BCAS3: variants seen among roughly 807,000 people sequenced by gnomAD.
BCAS3 encodes the protein BCAS4/BCAS3 fusion.
BCAS3 carries 53 observed loss-of-function variants against 116.1 expected under a neutral mutation model. The ratio of observed to expected loss-of-function variants is 0.46; its 90% CI spans 0.37 to 0.57. The LOEUF (loss-of-function observed/expected upper bound fraction) is 0.57, where lower values mean the gene tolerates loss of function less well. BCAS3 is among the 20% of genes least tolerant of loss of function. The probability of loss-of-function intolerance (pLI) is 0.00; values close to 1 mark genes in which losing one functional copy is unlikely to be tolerated. For synonymous variants in BCAS3, 391 were observed against 408.2 expected, an observed-to-expected ratio of 0.96 and a Z score of 0.51; for missense variants, 917 against 1,165.4, an observed-to-expected ratio of 0.79 and a Z score of 3.10.
chr17:61,252,004 G>T (rs1280048452), intron 22 of BCAS3, among the ~76,000 whole-genome samples: 1 of 152,174 alleles, frequency 6.6e-6, no homozygotes, highest in Non-Finnish European at 1.5e-5. Flanking sequence ...AATAAAAATA[G>T]CTGAGATCAC....
intron 5 of BCAS3, among the ~76,000 whole-genome samples, chr17:60,719,232 C>A (rs1050538466): frequency 7.9e-5 from 12 of 152,076 alleles, no homozygotes; most frequent in Admixed American, 2.6e-4. Flanking sequence ...TGTTGCTGGT[C>A]CATAAACTGG....
chr17:60,885,893 C>A (rs2056594534), intron 9 of BCAS3, among the ~76,000 whole-genome samples: 1 of 147,520 alleles, frequency 6.8e-6, no homozygotes, highest in African/African-American at 2.6e-5. Context: ...TCCTTCATTT[C>A]AATTTTGGTG....
chr17:60,699,172 C>T (rs139770835), intron 4 of BCAS3, among the ~76,000 whole-genome samples: 254 of 152,138 alleles, frequency 1.7e-3, no homozygotes, highest in African/African-American at 5.9e-3. Context: ...TACACAAAAG[C>T]ACATAGAAAC....
chr17:61,359,789 C>T (rs1287917997), intron 22 of BCAS3, among the ~76,000 whole-genome samples: 1 of 152,104 alleles, frequency 6.6e-6, no homozygotes, highest in Non-Finnish European at 1.5e-5. Context: ...CTGCGCCTGG[C>T]CAGGTTCTTT....
intron 5 of BCAS3, among the ~76,000 whole-genome samples, chr17:60,745,768 C>T (rs1183361185): frequency 1.3e-5 from 2 of 152,090 alleles, no homozygotes; most frequent in East Asian, 3.8e-4. Flanking sequence ...TTCACATCTG[C>T]ATCCCAAGTG....
At chr17:61,202,736 C>G (rs1478232547) in intron 22 of BCAS3, among the ~76,000 whole-genome samples, 2 of 152,098 alleles carry the variant, frequency 1.3e-5, no homozygotes, top group African/African-American at 4.8e-5. Context: ...ATGAGATGAG[C>G]TAAGAGTATA....
intron 22 of BCAS3, among the ~76,000 whole-genome samples, chr17:61,092,139 T>G (rs1206033162): frequency 6.6e-6 from 1 of 152,220 alleles, no homozygotes; most frequent in Non-Finnish European, 1.5e-5. Context: ...CTAACCTCTT[T>G]TGCTCAACTT....
intron 4 of BCAS3, among the ~76,000 whole-genome samples, chr17:60,695,113 TACC>T (rs894231848): frequency 6.6e-6 from 1 of 150,430 alleles, no homozygotes; most frequent in Non-Finnish European, 1.5e-5. Context: ...TGTATGTATA[TACC>T]ACATTTTTTT....
rs2144350974 is a variant in BCAS3, at chr17:61,214,434, C to A, written c.2425+129870C>A. On this transcript the variant is annotated intron_variant, in intron 22 of 23. Transcript: ENST00000407086. The surrounding 1 kb of genome is among the most constrained non-coding windows in gnomAD (Gnocchi z 4.4). ...GCGCAGTGGCTCATGCCTGTAATCCCAGCACTTTGCAAGGCCGAGGCAGGT... is the reference window on the plus strand; with the variant it reads ...GCGCAGTGGCTCATGCCTGTAATCCAAGCACTTTGCAAGGCCGAGGCAGGT... Among the ~76,000 whole-genome samples, 1 of 151,816 alleles carries A rather than the reference C, an allele frequency of 6.6e-6. No homozygotes were observed. Among genetic ancestry groups the A allele is most frequent in the Non-Finnish European group, 1.5e-5 (1 of 67,954 alleles).
In BCAS3 at chr17:61,162,660, G is replaced by C. The variant is rs1351751508; in HGVS notation, c.2425+78096G>C. 6.6e-6 allele frequency among the ~76,000 whole-genome samples: 1 copy of C among 151,986 alleles called. No individual in the cohort carries two copies. Among genetic ancestry groups the C allele is most frequent in the Non-Finnish European group, 1.5e-5 (1 of 67,972 alleles). Reference sequence around the variant, plus strand: ...TTGCAGTTTTCAGCTTTTAGTTGTTGAAAACAAAAATAATAAGTAAACCAG... The same window carrying C: ...TTGCAGTTTTCAGCTTTTAGTTGTTCAAAACAAAAATAATAAGTAAACCAG... On this transcript the variant is annotated intron_variant, in intron 22 of 23. Coordinates refer to ENST00000407086, the MANE Select transcript of BCAS3 (RefSeq NM_017679.5). The surrounding 1 kb of genome is among the most constrained non-coding windows in gnomAD (Gnocchi z 5.6).
chr17:61,258,489 T>C lies in BCAS3; in HGVS notation c.2426-109838T>C, dbSNP rs1482679076. Among the ~76,000 whole-genome samples, 1 of 152,248 alleles carries C rather than the reference T, an allele frequency of 6.6e-6. No individual in the cohort carries two copies. The highest frequency in any genetic ancestry group is 2.4e-5 in the African/African-American group (1 of 41,464). On this transcript the variant is annotated intron_variant, in intron 22 of 23. Transcript: ENST00000407086. This position sits in a 1 kb window ranked among gnomAD's most constrained non-coding sequence, Gnocchi z 4.7. ...TGACCTTAGAAAAGTTGCTTCACCC[T>C]CTGAGCCTCTGTAAAATGTGAATAA...
At position 61,344,795 on chromosome 17, in the gene BCAS3, A is replaced by G. The variant is rs138764539; in HGVS notation, c.2426-23532A>G. Reference sequence around the variant, plus strand: ...AGGAAGGGAGTGGGAGAGATGAGCCATGGGAAGCCAGCAGGGCCCAGGTCA... The same window carrying G: ...AGGAAGGGAGTGGGAGAGATGAGCCGTGGGAAGCCAGCAGGGCCCAGGTCA... On this transcript the variant is annotated intron_variant, in intron 22 of 23. Transcript: ENST00000407086. The surrounding 1 kb of genome is among the most constrained non-coding windows in gnomAD (Gnocchi z 4.1). Among the ~76,000 whole-genome samples the G allele has an allele frequency of 0.016, 2,410 of 152,246 alleles. 35 individuals carry two copies. The highest frequency in any genetic ancestry group is 0.068 in the Middle Eastern group (20 of 294).
At chr17:60,856,457 G>A (rs1232811356) in intron 7 of BCAS3, among the ~76,000 whole-genome samples, 1 of 152,148 alleles carries the variant, frequency 6.6e-6, no homozygotes, top group African/African-American at 2.4e-5. Context: ...CGGGGGCCAA[G>A]GCAGGTGGAT....
At chr17:61,191,047 G>T (rs990606255) in intron 22 of BCAS3, among the ~76,000 whole-genome samples, 54 of 152,280 alleles carry the variant, frequency 3.5e-4, no homozygotes, top group African/African-American at 1.1e-3. Context: ...TCCAGCCTGG[G>T]TGACAGAGCA....
At chr17:60,820,334 C>T (rs984666602) in intron 7 of BCAS3, among the ~76,000 whole-genome samples, 6 of 152,162 alleles carry the variant, frequency 3.9e-5, no homozygotes, top group East Asian at 1.9e-4. Flanking sequence ...CGTGAGCCAC[C>T]GTGCCCAGCC....
At chr17:60,923,769 G>A (rs995637039) in intron 12 of BCAS3, among the ~76,000 whole-genome samples, 14 of 152,116 alleles carry the variant, frequency 9.2e-5, no homozygotes, top group African/African-American at 3.4e-4. Flanking sequence ...ATTAAGAGGA[G>A]TGAATAAAAG....
intron 9 of BCAS3, among the ~76,000 whole-genome samples, chr17:60,885,314 C>G (rs1415049517): frequency 5.0e-3 from 53 of 10,572 alleles, no homozygotes; most frequent in African/African-American, 0.012. Flanking sequence ...TTCCTCCATC[C>G]TTTTATTTTG....
intron 18 of BCAS3, among the ~76,000 whole-genome samples, chr17:61,038,896 G>A (rs1481505149): frequency 6.6e-6 from 1 of 151,792 alleles, no homozygotes; most frequent in Admixed American, 6.6e-5. Flanking sequence ...CTTGACCTCA[G>A]GTGATCCACT....
rs377180249 is a variant in BCAS3, at chr17:61,277,955, T to C, written c.2426-90372T>C. ...GCAATTTCTCAGATGGTTAACAGAGTTACCCTATTATCCAACAATTCCACA... is the reference window on the plus strand; with the variant it reads ...GCAATTTCTCAGATGGTTAACAGAGCTACCCTATTATCCAACAATTCCACA... On this transcript the variant is annotated intron_variant, in intron 22 of 23. Coordinates refer to ENST00000407086, the MANE Select transcript of BCAS3 (RefSeq NM_017679.5). Among the ~76,000 whole-genome samples the C allele has an allele frequency of 8.5e-5, 13 of 152,296 alleles. No individual in the cohort carries two copies. In the East Asian group the frequency reaches 2.1e-3, roughly 25 times the overall value.
Sources: allele counts gnomAD v4.1 joint callset (sites outside exome capture counted in the v4.1 genomes callset), GRCh38; gene constraint gnomAD v4.1.1; non-coding constraint Gnocchi (gnomAD v3.1); transcripts MANE v1.5; gene names NCBI Gene and HGNC (gene_info 2026-07-23, HGNC 2026-07-21).